The following LRRC8B variants were observed in gnomAD, a reference collection of about 807,000 sequenced individuals.
The protein encoded by LRRC8B is leucine rich repeat containing 8 VRAC subunit B.
Under a neutral mutation model 58.8 loss-of-function variants are expected in LRRC8B, and 23 were observed. That is an observed-to-expected ratio of 0.39 (90% confidence interval 0.28 to 0.55). The LOEUF (loss-of-function observed/expected upper bound fraction) is 0.55. LRRC8B is among the 20% of genes least tolerant of loss of function. The probability of loss-of-function intolerance (pLI) is 0.62; values close to 1 mark genes in which losing one functional copy is unlikely to be tolerated. For synonymous variants in LRRC8B, 359 were observed against 374.1 expected, an observed-to-expected ratio of 0.96 and a Z score of 0.47; for missense variants, 694 against 936.0, an observed-to-expected ratio of 0.74 and a Z score of 3.37.
Position 89,593,346 on chromosome 1 carries a change from C to A in LRRC8B, c.*303C>A. 4.2e-6 allele frequency: 1 copy of A among 237,372 alleles called. No homozygotes were observed. The highest frequency in any genetic ancestry group is 2.2e-5 in the African/African-American group (1 of 44,570). The allele number at this position is 237,372 out of a possible 1,614,324, so 14.7% of individuals were successfully genotyped here. Reference sequence around the variant, plus strand: ...GAGCCGAGATTGTGCCACTGTACACCAGCCTGGGTGACAGAGCAAGACTCT... The same window carrying A: ...GAGCCGAGATTGTGCCACTGTACACAAGCCTGGGTGACAGAGCAAGACTCT... On this transcript the variant is annotated 3_prime_UTR_variant, in exon 6 of 6. Transcript: ENST00000330947.
intron 5 of LRRC8B, among the ~76,000 whole-genome samples, chr1:89,585,596 A>C (rs1158828690): frequency 6.6e-6 from 1 of 152,194 alleles, no homozygotes; most frequent in African/African-American, 2.4e-5. Context: ...GATGAAACTG[A>C]CATTCCTCTA....
At chr1:89,590,248 G>A (rs1480803693) in intron 5 of LRRC8B, among the ~76,000 whole-genome samples, 2 of 152,152 alleles carry the variant, frequency 1.3e-5, no homozygotes, top group Admixed American at 6.5e-5. Context: ...TATAGAATTT[G>A]TTGACCCAGG....
chr1:89,560,633 G>A (rs1369247668), intron 1 of LRRC8B, among the ~76,000 whole-genome samples: 1 of 148,722 alleles, frequency 6.7e-6, no homozygotes, highest in Admixed American at 6.7e-5. Flanking sequence ...GAGAATATGT[G>A]GTGTTTGGTT....
At position 89,530,891 on chromosome 1, in the gene LRRC8B, G is replaced by T. The variant is rs140799665; in HGVS notation, c.-241+5869G>T. On this transcript the variant is annotated intron_variant, in intron 1 of 5. Transcript: ENST00000330947. Reference sequence around the variant, plus strand: ...CTTGCCGTGTCCTGCTGAGCTATTAGGGGAGTTTGTGGGGAAACAATGCCT... The same window carrying T: ...CTTGCCGTGTCCTGCTGAGCTATTATGGGAGTTTGTGGGGAAACAATGCCT... Among the ~76,000 whole-genome samples the T allele has an allele frequency of 5.0e-3, 762 of 152,222 alleles. 11 individuals carry two copies. Among genetic ancestry groups the T allele is most frequent in the Non-Finnish European group, 4.1e-3 (279 of 68,010 alleles).
At chr1:89,537,365 G>A (rs1570561213) in intron 1 of LRRC8B, among the ~76,000 whole-genome samples, 1 of 152,294 alleles carries the variant, frequency 6.6e-6, no homozygotes, top group Non-Finnish European at 1.5e-5. Context: ...TTCAAGTGTT[G>A]AAACCTAATC....
intron 1 of LRRC8B, among the ~76,000 whole-genome samples, chr1:89,545,312 A>G (rs1249105849): frequency 1.3e-5 from 2 of 152,236 alleles, no homozygotes; most frequent in African/African-American, 2.4e-5. Context: ...ATCAGTTATA[A>G]AATCATCTTT....
intron 1 of LRRC8B, among the ~76,000 whole-genome samples, chr1:89,525,285 A>G (rs1330838099): frequency 6.6e-6 from 1 of 151,928 alleles, no homozygotes; most frequent in Non-Finnish European, 1.5e-5. Context: ...GGTCATTTGG[A>G]GCAAGAGGTG....
chr1:89,586,978 A>G (rs1654670887), intron 5 of LRRC8B, among the ~76,000 whole-genome samples: 1 of 152,192 alleles, frequency 6.6e-6, no homozygotes, highest in East Asian at 1.9e-4. Context: ...ATTGTCTACA[A>G]TATTGGTCTT....
At chr1:89,527,168 T>A (rs41313391) in intron 1 of LRRC8B, among the ~76,000 whole-genome samples, 1 of 152,386 alleles carries the variant, frequency 6.6e-6, no homozygotes, top group Non-Finnish European at 1.5e-5. Context: ...AATGTTTTTC[T>A]TATAAACAAG....
At chr1:89,527,378 T>C (rs1649779353) in intron 1 of LRRC8B, among the ~76,000 whole-genome samples, 1 of 152,216 alleles carries the variant, frequency 6.6e-6, no homozygotes, top group South Asian at 2.1e-4. Flanking sequence ...TTATTAGAAA[T>C]GAATGCATTC....
chr1:89,560,911 A>G (rs1477510705), intron 1 of LRRC8B, among the ~76,000 whole-genome samples: 1 of 152,140 alleles, frequency 6.6e-6, no homozygotes, highest in African/African-American at 2.4e-5. Flanking sequence ...CAGTAATGGG[A>G]TGGCTGGGTC....
chr1:89,560,117 C>T (rs1652510268), intron 1 of LRRC8B, among the ~76,000 whole-genome samples: 1 of 152,198 alleles, frequency 6.6e-6, no homozygotes, highest in Non-Finnish European at 1.5e-5. Flanking sequence ...GATGACAAGG[C>T]CAACATTATG....
intron 4 of LRRC8B, among the ~76,000 whole-genome samples, chr1:89,582,230 A>AAAAG (rs113479814): frequency 0.42 from 62,814 of 150,082 alleles, 14,236 homozygotes; most frequent in South Asian, 0.55. Context: ...AAGGAAGAAA[A>AAAAG]AAAGAAAGAA....
rs376979073 is a variant in LRRC8B, at chr1:89,583,151, C to T, written c.501C>T (p.Arg167=). 2.0e-5 allele frequency: 32 copies of T among 1,614,042 alleles called. No homozygotes were observed. The highest frequency in any genetic ancestry group is 1.9e-4 in the African/African-American group (14 of 74,908). Residue 167 remains arginine (R), a synonymous_variant, in exon 5 of 6, where the codon CGC becomes CGT. Transcript: ENST00000330947. This position sits in a 1 kb window ranked among gnomAD's most constrained non-coding sequence, Gnocchi z 5.2. Reference sequence around the variant, plus strand: ...GCTTCGATTCTCCATGGACCACCCGCGCCCTTTCAGAAACAGTGGCTGAGC... The same window carrying T: ...GCTTCGATTCTCCATGGACCACCCGTGCCCTTTCAGAAACAGTGGCTGAGC... ...HKCFDSPWTT[R]ALSETVAEQS...
intron 1 of LRRC8B, among the ~76,000 whole-genome samples, chr1:89,534,183 G>A (rs1241778686): frequency 1.3e-5 from 2 of 152,066 alleles, no homozygotes; most frequent in Non-Finnish European, 2.9e-5. Flanking sequence ...TTTGAAAAAC[G>A]ACTTGTTCTC....
chr1:89,586,158 T>C (rs1450625669), intron 5 of LRRC8B, among the ~76,000 whole-genome samples: 1 of 152,164 alleles, frequency 6.6e-6, no homozygotes, highest in African/African-American at 2.4e-5. Flanking sequence ...AAAGGCTTGC[T>C]GAAACACAGA....
rs1570659648 is a variant in LRRC8B at position 89,593,492 on chromosome 1, G to A, written c.*449G>A. ...AACCATAACTAAATGTCTTATTAAA[G>A]CAACTGAGTGTCTAGCCCTAAATTA... On this transcript the variant is annotated 3_prime_UTR_variant, in exon 6 of 6. Transcript: ENST00000330947. The A allele has an allele frequency of 6.5e-6, 1 of 154,590 alleles. No individual in the cohort carries two copies. The highest frequency in any genetic ancestry group is 3.4e-3 in the Middle Eastern group (1 of 292). 9.6% of individuals were successfully genotyped at this position (154,590 alleles called of 1,614,324 possible).
intron 1 of LRRC8B, among the ~76,000 whole-genome samples, chr1:89,548,128 G>A (rs181869222): frequency 3.2e-4 from 49 of 152,204 alleles, no homozygotes; most frequent in East Asian, 2.1e-3. Flanking sequence ...AAAAGTTCTC[G>A]CTTAGATTAT....
At chr1:89,569,588 T>C (rs1653294947) in intron 3 of LRRC8B, among the ~76,000 whole-genome samples, 2 of 152,200 alleles carry the variant, frequency 1.3e-5, no homozygotes, top group African/African-American at 4.8e-5. Context: ...CCGCTTTAGC[T>C]CACATAGGCT....
Sources: allele counts gnomAD v4.1 joint callset (sites outside exome capture counted in the v4.1 genomes callset), GRCh38; gene constraint gnomAD v4.1.1; non-coding constraint Gnocchi (gnomAD v3.1); transcripts MANE v1.5; gene names NCBI Gene and HGNC (gene_info 2026-07-23, HGNC 2026-07-21).